The following PRICKLE2 variants were observed in gnomAD, a reference collection of about 807,000 sequenced individuals.
The protein encoded by PRICKLE2 is prickle planar cell polarity protein 2.
A neutral mutation model predicts 81.4 loss-of-function variants in PRICKLE2; 21 were observed. The observed-to-expected ratio is 0.26, with a 90% CI of 0.18 to 0.37. The LOEUF (loss-of-function observed/expected upper bound fraction) is 0.37. Ranked by LOEUF, PRICKLE2 falls within the 10% of genes least tolerant of loss-of-function variation. The pLI is 1.00. For missense variants in PRICKLE2, 940 were observed against 1,109.0 expected, an observed-to-expected ratio of 0.85 and a Z score of 2.16; for synonymous variants, 456 against 421.5, an observed-to-expected ratio of 1.08 and a Z score of -1.00.
At position 64,094,002 on chromosome 3, in the gene PRICKLE2, T is replaced by C. The variant is rs1012958449; in HGVS notation, c.*5049A>G. The C allele has an allele frequency of 6.6e-6, 1 of 152,644 alleles. No homozygotes were observed. The highest frequency in any genetic ancestry group is 1.5e-5 in the Non-Finnish European group (1 of 68,042). 9.5% of individuals were successfully genotyped at this position (152,644 alleles called of 1,614,324 possible). ...TCTGGCAGAGCCCACACCAAAGGCCTGTTGCAGACCTTCTTAACAAATAGC... is the reference window on the plus strand; with the variant it reads ...TCTGGCAGAGCCCACACCAAAGGCCCGTTGCAGACCTTCTTAACAAATAGC... On this transcript the variant is annotated 3_prime_UTR_variant, in exon 8 of 8. Coordinates refer to ENST00000638394, the MANE Select transcript of PRICKLE2 (RefSeq NM_198859.4).
intron 2 of PRICKLE2, among the ~76,000 whole-genome samples, chr3:64,167,017 C>T (rs2077845357): frequency 6.6e-6 from 1 of 152,188 alleles, no homozygotes; most frequent in South Asian, 2.1e-4. Flanking sequence ...CCTGCATTTT[C>T]CTCTGGCATT....
intron 1 of PRICKLE2, among the ~76,000 whole-genome samples, chr3:64,216,079 T>C (rs1472929273): frequency 6.6e-6 from 1 of 152,208 alleles, no homozygotes; most frequent in East Asian, 1.9e-4. Context: ...GGGTTTAACA[T>C]TAGCTCCTGG....
At chr3:64,198,998 G>C (rs1398527137) in intron 1 of PRICKLE2, 31 bp from the exon 2 acceptor site, 4 of 1,605,996 alleles carry the variant, frequency 2.5e-6, no homozygotes, top group Admixed American at 3.3e-5. Flanking sequence ...AGGTGAGAAA[G>C]AGGAAAAAAC....
intron 2 of PRICKLE2, among the ~76,000 whole-genome samples, chr3:64,257,732 G>T (rs1358734710): frequency 2.6e-5 from 4 of 152,196 alleles, no homozygotes; most frequent in Non-Finnish European, 5.9e-5. Flanking sequence ...TGGGCCAGAG[G>T]ATGAGAATCA....
At chr3:64,109,569 G>T (rs998055216) in intron 7 of PRICKLE2, among the ~76,000 whole-genome samples, 3 of 152,114 alleles carry the variant, frequency 2.0e-5, no homozygotes, top group Non-Finnish European at 4.4e-5. Context: ...AAGGGAAAGG[G>T]GAGGCCAAGC....
At chr3:64,110,325 G>T (rs1178047995) in intron 7 of PRICKLE2, among the ~76,000 whole-genome samples, 2 of 152,194 alleles carry the variant, frequency 1.3e-5, no homozygotes, top group Non-Finnish European at 2.9e-5. Flanking sequence ...CTCCCAAGTG[G>T]TAGAGAGTGG....
intron 7 of PRICKLE2, among the ~76,000 whole-genome samples, chr3:64,144,398 A>T (rs572451311): frequency 6.6e-6 from 1 of 152,368 alleles, no homozygotes; most frequent in Non-Finnish European, 1.5e-5. Context: ...TAAGCAAGCT[A>T]ATATTTATGA....
intron 5 of PRICKLE2, among the ~76,000 whole-genome samples, chr3:64,156,538 G>A (rs1257802317): frequency 3.3e-5 from 5 of 152,082 alleles, no homozygotes; most frequent in Non-Finnish European, 5.9e-5. Flanking sequence ...CAGCTTACAC[G>A]GTAGGGTGTG....
chr3:64,236,049 C>A (rs2079175651), intron 2 of PRICKLE2, among the ~76,000 whole-genome samples: 7 of 152,088 alleles, frequency 4.6e-5, no homozygotes, highest in Admixed American at 3.9e-4. Flanking sequence ...TGTGTTTTTC[C>A]ATTTGTTGTA....
intron 2 of PRICKLE2, among the ~76,000 whole-genome samples, chr3:64,178,426 C>G (rs1192076881): frequency 6.6e-6 from 1 of 152,214 alleles, no homozygotes; most frequent in Non-Finnish European, 1.5e-5. Flanking sequence ...GAGCTGAACA[C>G]TGGCAGTGAA....
chr3:64,141,730 C>CA (rs1333540803), intron 7 of PRICKLE2: 2 of 860,544 alleles, frequency 2.3e-6, no homozygotes, highest in Non-Finnish European at 2.8e-6. Flanking sequence ...GCTGACAAGC[C>CA]AGTGCAGCTA....
At chr3:64,202,455 A>G (rs2078601510) in intron 1 of PRICKLE2, among the ~76,000 whole-genome samples, 1 of 152,156 alleles carries the variant, frequency 6.6e-6, no homozygotes, top group Non-Finnish European at 1.5e-5. Flanking sequence ...TTTTAGGCAC[A>G]AGGCTTGCAC....
intron 7 of PRICKLE2, among the ~76,000 whole-genome samples, chr3:64,129,353 A>T (rs2077165509): frequency 6.6e-6 from 1 of 152,250 alleles, no homozygotes; most frequent in South Asian, 2.1e-4. Context: ...AGATTAACCA[A>T]GATAACAATA....
At chr3:64,195,055 TAAAC>T (rs1447663363) in intron 2 of PRICKLE2, among the ~76,000 whole-genome samples, 2 of 151,816 alleles carry the variant, frequency 1.3e-5, no homozygotes, top group African/African-American at 2.4e-5. Flanking sequence ...AAAATAAAAA[TAAAC>T]AAAAAAGTAA....
chr3:64,184,246 A>C (rs559245124), intron 2 of PRICKLE2, among the ~76,000 whole-genome samples: 5 of 152,354 alleles, frequency 3.3e-5, no homozygotes, highest in Admixed American at 2.0e-4. Flanking sequence ...ATAAGGCAGG[A>C]AACATTACTG....
chr3:64,199,206 T>TAAGG (rs1350699780), intron 1 of PRICKLE2: 1 of 596,718 alleles, frequency 1.7e-6, no homozygotes, highest in African/African-American at 1.9e-5. Flanking sequence ...CTAAGGGTGT[T>TAAGG]TACATGTGGA....
At chr3:64,139,358 G>A (rs2077325863) in intron 7 of PRICKLE2, among the ~76,000 whole-genome samples, 1 of 152,192 alleles carries the variant, frequency 6.6e-6, no homozygotes, top group Non-Finnish European at 1.5e-5. Context: ...TATTGCTAAT[G>A]TTTTCATATC....
chr3:64,233,750 G>A (rs2079139670), intron 2 of PRICKLE2, among the ~76,000 whole-genome samples: 1 of 151,898 alleles, frequency 6.6e-6, no homozygotes. Context: ...ATATTCATAG[G>A]GTTGTACAAC....
At chr3:64,231,423 A>G (rs2079099221) in intron 2 of PRICKLE2, among the ~76,000 whole-genome samples, 1 of 152,158 alleles carries the variant, frequency 6.6e-6, no homozygotes, top group Non-Finnish European at 1.5e-5. Context: ...GGGAACTACT[A>G]ATTTTCATTA....
Sources: allele counts gnomAD v4.1 joint callset (sites outside exome capture counted in the v4.1 genomes callset), GRCh38; gene constraint gnomAD v4.1.1; transcripts MANE v1.5; gene names NCBI Gene and HGNC (gene_info 2026-07-23, HGNC 2026-07-21).